CEP76: variants seen among roughly 807,000 people sequenced by gnomAD.
CEP76 encodes the protein centrosomal protein of 76 kDa.
A neutral mutation model predicts 83.3 loss-of-function variants in CEP76; 55 were observed. That is an observed-to-expected ratio of 0.66 (90% CI 0.53 to 0.83). CEP76 has a LOEUF of 0.83. Among genes scored for constraint, CEP76 ranks in the 40% least tolerant of loss-of-function variants. CEP76 has a pLI of 0.00. For missense variants in CEP76, 694 were observed against 799.5 expected, an observed-to-expected ratio of 0.87 and a Z score of 1.59; for synonymous variants, 270 against 274.5, an observed-to-expected ratio of 0.98 and a Z score of 0.16.
downstream of CEP76, among the ~76,000 whole-genome samples, chr18:12,671,332 G>T (rs940163571): frequency 2.0e-5 from 3 of 152,024 alleles, no homozygotes; most frequent in Non-Finnish European, 4.4e-5. Context: ...GTGATTAAAA[G>T]AATTAATAAC....
downstream of CEP76, among the ~76,000 whole-genome samples, chr18:12,670,234 G>A (rs1479588696): frequency 6.6e-6 from 1 of 151,508 alleles, no homozygotes; most frequent in African/African-American, 2.4e-5. Context: ...GGAGGCTGAG[G>A]CAGGAGAACT....
chr18:12,689,109 CACA>C (rs371389005), intron 7 of CEP76, among the ~76,000 whole-genome samples: 11 of 152,190 alleles, frequency 7.2e-5, no homozygotes, highest in African/African-American at 2.2e-4. Context: ...GACTCTGTCT[CACA>C]ACAACAACAA....
At chr18:12,668,811 G>A (rs1457015707), downstream of CEP76, among the ~76,000 whole-genome samples, 1 of 139,870 alleles carries the variant, frequency 7.1e-6, no homozygotes. Flanking sequence ...AGCAATCTCG[G>A]CTCACTGCAG....
In CEP76 at chr18:12,699,735, G is replaced by GA. The variant is rs1182913231; in HGVS notation, c.295+94dup. ...AATTTTAAGTATTTTATTTTGGGGG[G>GA]AAAAAATGGAAATGTCTTCTATCAA... On this transcript the variant is annotated intron_variant, in intron 3 of 11. Transcript: ENST00000262127. The GA allele has an allele frequency of 8.8e-6, 6 of 685,004 alleles. No individual in the cohort carries two copies. In the East Asian group the frequency reaches 1.5e-4, roughly 18 times the overall value. The allele number at this position is 685,004 out of a possible 1,614,324, so 42.4% of individuals were successfully genotyped here.
chr18:12,669,921 C>A (rs575153119), downstream of CEP76, among the ~76,000 whole-genome samples: 1 of 150,370 alleles, frequency 6.7e-6, no homozygotes, highest in East Asian at 2.0e-4. Context: ...CACTTGAACC[C>A]AGGAGGCGGA....
In CEP76 at chr18:12,697,309, A is replaced by G. The variant is rs2039990525; in HGVS notation, c.620T>C (p.Leu207Ser). The change falls in exon 5 of 12, where the codon TTA becomes TCA. Residue 207 changes from leucine (L) to serine (S), a missense_variant. Coordinates refer to ENST00000262127, the MANE Select transcript of CEP76 (RefSeq NM_024899.4). Reference protein sequence around the residue: ...IKTDIFGETTLVASYFLEWRS... With the variant: ...IKTDIFGETTSVASYFLEWRS... ...CCATTCCAGAAAATATGATGCTACTAAAGTCGTCTCACCAAATATGTCTGT... is the reference window on the plus strand; with the variant it reads ...CCATTCCAGAAAATATGATGCTACTGAAGTCGTCTCACCAAATATGTCTGT... 3.1e-6 allele frequency: 5 copies of G among 1,613,894 alleles called. No homozygotes were observed. Among genetic ancestry groups the G allele is most frequent in the African/African-American group, 1.3e-5 (1 of 74,936 alleles).
At chr18:12,677,752 C>T (rs1452458031) in intron 10 of CEP76, among the ~76,000 whole-genome samples, 1 of 152,114 alleles carries the variant, frequency 6.6e-6, no homozygotes, top group Non-Finnish European at 1.5e-5. Context: ...AGCCATCAAG[C>T]CCAGCCTAAC....
intron 10 of CEP76, among the ~76,000 whole-genome samples, chr18:12,676,279 C>CTT (rs1157897766): frequency 0.012 from 1,327 of 106,374 alleles, 7 homozygotes; most frequent in Non-Finnish European, 0.016. Context: ...ACAGTAATTC[C>CTT]TTTTTTTTTT....
chr18:12,693,218 G>A (rs549172389), intron 6 of CEP76, among the ~76,000 whole-genome samples: 17 of 152,130 alleles, frequency 1.1e-4, no homozygotes, highest in Non-Finnish European at 2.4e-4. Flanking sequence ...TTATAAATAT[G>A]ACAGTGGAAA....
intron 7 of CEP76, among the ~76,000 whole-genome samples, chr18:12,690,617 G>A (rs915975124): frequency 6.6e-6 from 1 of 152,082 alleles, no homozygotes; most frequent in East Asian, 1.9e-4. Context: ...CATCACGCCC[G>A]GCTAATTTTT....
intron 7 of CEP76, 62 bp downstream of exon 7, chr18:12,691,297 T>C: frequency 9.5e-7 from 1 of 1,050,468 alleles, no homozygotes; most frequent in Non-Finnish European, 1.4e-6. Context: ...TAAATGAAAT[T>C]TACACACATA....
At chr18:12,686,642 A>T (rs2039549169) in intron 7 of CEP76, 192 bp from the exon 8 acceptor site, 1 of 442,104 alleles carries the variant, frequency 2.3e-6, no homozygotes, top group Non-Finnish European at 4.1e-6. Context: ...TTTTCATTTT[A>T]TAGATGAAAA....
intron 5 of CEP76, among the ~76,000 whole-genome samples, chr18:12,695,592 G>A (rs1192409785): frequency 6.6e-6 from 1 of 151,872 alleles, no homozygotes; most frequent in African/African-American, 2.4e-5. Context: ...TCTTCTTTAA[G>A]TAGAGATGGG....
chr18:12,672,864 C>T lies in CEP76; in HGVS notation c.*501G>A, dbSNP rs1042623309. ...ACAGTCTCAAATATCCCAAGGACCA[C>T]GAATAAACCACAAAAGTGGTAATTC... is the stretch of plus-strand genomic sequence containing the variant. On this transcript the variant is annotated 3_prime_UTR_variant, in exon 12 of 12. Coordinates refer to ENST00000262127, the MANE Select transcript of CEP76 (RefSeq NM_024899.4). 2.1e-5 allele frequency: 21 copies of T among 985,168 alleles called. No individual in the cohort carries two copies. Among genetic ancestry groups the T allele is most frequent in the East Asian group, 1.1e-4 (1 of 8,956 alleles). 61.0% of individuals were successfully genotyped at this position (985,168 alleles called of 1,614,324 possible). A position where few individuals can be genotyped will look rare whatever the true frequency, so the allele number is the denominator to read the frequency against.
downstream of CEP76, among the ~76,000 whole-genome samples, chr18:12,669,644 T>C (rs2038889586): frequency 2.0e-5 from 3 of 152,202 alleles, no homozygotes; most frequent in Admixed American, 6.5e-5. Context: ...TTTTAAACTT[T>C]ACATTTTTAA....
chr18:12,678,528 G>C (rs1037393252), intron 9 of CEP76, 86 bp from the exon 10 acceptor site: 1 of 836,188 alleles, frequency 1.2e-6, no homozygotes. Flanking sequence ...AACACTTAAG[G>C]CCATAACTAC....
At chr18:12,696,983 A>G (rs570200486) in intron 5 of CEP76, among the ~76,000 whole-genome samples, 1 of 152,184 alleles carries the variant, frequency 6.6e-6, no homozygotes, top group South Asian at 2.1e-4. Context: ...TCCTGTATTC[A>G]TTTTCCAGAA....
At chr18:12,692,727 T>C (rs1341186763) in intron 6 of CEP76, among the ~76,000 whole-genome samples, 1 of 152,260 alleles carries the variant, frequency 6.6e-6, no homozygotes, top group Non-Finnish European at 1.5e-5. Context: ...GAGCAAGCTG[T>C]CTAGCTGTCT....
intron 4 of CEP76, among the ~76,000 whole-genome samples, chr18:12,698,156 TTTTATTTATA>T (rs911236877): frequency 3.4e-5 from 5 of 147,040 alleles, no homozygotes; most frequent in African/African-American, 7.6e-5. Context: ...TGACTTTTTA[TTTTATTTATA>T]TTTATTTGTA....
Sources: gnomAD v4.1 joint callset for allele counts (sites outside exome capture counted in the v4.1 genomes callset) on GRCh38, gnomAD v4.1.1 for gene constraint, MANE v1.5 for transcripts, NCBI Gene and HGNC (gene_info 2026-07-23, HGNC 2026-07-21) for gene names.